The following CNTNAP4 variants were observed in gnomAD, a reference collection of about 807,000 sequenced individuals.
CNTNAP4 encodes contactin associated protein family member 4.
CNTNAP4 carries 98 observed loss-of-function variants against 148.4 expected under a neutral mutation model. The ratio of observed to expected loss-of-function variants is 0.66; its 90% CI spans 0.56 to 0.78. The LOEUF is 0.78. Ranked by LOEUF, CNTNAP4 falls within the 30% of genes least tolerant of loss-of-function variation. The probability of loss-of-function intolerance (pLI) is 0.00; values close to 1 mark genes in which losing one functional copy is unlikely to be tolerated. For missense variants in CNTNAP4, 1,935 were observed against 1,565.6 expected, an observed-to-expected ratio of 1.24 and a Z score of -3.98; for synonymous variants, 730 against 565.1, an observed-to-expected ratio of 1.29 and a Z score of -4.14.
intron 10 of CNTNAP4, among the ~76,000 whole-genome samples, chr16:76,467,895 A>T (rs1299153771): frequency 1.3e-5 from 2 of 152,232 alleles, no homozygotes; most frequent in African/African-American, 4.8e-5. Flanking sequence ...AATAAATTTG[A>T]GACTATGTAG....
At chr16:76,299,439 A>G (rs1408580457) in intron 1 of CNTNAP4, among the ~76,000 whole-genome samples, 1 of 152,176 alleles carries the variant, frequency 6.6e-6, no homozygotes, top group African/African-American at 2.4e-5. Flanking sequence ...TCAAAACCAC[A>G]ATGAGATACC....
At chr16:76,324,929 C>T (rs920274412) in intron 2 of CNTNAP4, among the ~76,000 whole-genome samples, 7 of 152,208 alleles carry the variant, frequency 4.6e-5, no homozygotes, top group Non-Finnish European at 1.0e-4. Context: ...AGGGCTTCAG[C>T]CTGTGAATTT....
At chr16:76,422,994 GTAAT>G (rs959770376) in intron 3 of CNTNAP4, among the ~76,000 whole-genome samples, 20 of 152,088 alleles carry the variant, frequency 1.3e-4, no homozygotes, top group Non-Finnish European at 2.4e-4. Flanking sequence ...TTATGGAAAT[GTAAT>G]TAGTTTCCTT....
chr16:76,535,466 G>A, intron 17 of CNTNAP4, 79 bp from the exon 18 acceptor site: 1 of 1,494,706 alleles, frequency 6.7e-7, no homozygotes, highest in Non-Finnish European at 9.0e-7. Context: ...TTCTCTGTAA[G>A]GCCTCAGTTT....
intron 1 of CNTNAP4, among the ~76,000 whole-genome samples, chr16:76,291,908 A>C (rs951262704): frequency 2.6e-5 from 4 of 152,154 alleles, no homozygotes; most frequent in Admixed American, 6.5e-5. Context: ...TCTCATACGC[A>C]TGCTTTCCCA....
intron 3 of CNTNAP4, among the ~76,000 whole-genome samples, chr16:76,397,797 TTGTGTGTGTG>T (rs10687638): frequency 2.1e-5 from 3 of 144,126 alleles, no homozygotes; most frequent in Non-Finnish European, 4.6e-5. Context: ...GTGCATGTGT[TTGTGTGTGTG>T]TGTGTGTGTG....
chr16:76,535,360 A>T (rs529158293), intron 17 of CNTNAP4, among the ~76,000 whole-genome samples, 185 bp from the exon 18 acceptor site: 8 of 152,292 alleles, frequency 5.3e-5, no homozygotes, highest in South Asian at 4.1e-4. Flanking sequence ...TTCAACTTTT[A>T]AAAAAATTGA....
chr16:76,375,044 C>T (rs1374340777), intron 3 of CNTNAP4, among the ~76,000 whole-genome samples: 1 of 151,936 alleles, frequency 6.6e-6, no homozygotes, highest in African/African-American at 2.4e-5. Context: ...GCTGGGATTA[C>T]AGGCGTCAGC....
In CNTNAP4 at chr16:76,538,255, T is replaced by C. The variant is rs1436791927; in HGVS notation, c.3135T>C (p.Ser1045=). The C allele has an allele frequency of 6.2e-7, 1 of 1,611,198 alleles. No individual in the cohort carries two copies. The highest frequency in any genetic ancestry group is 1.1e-5 in the South Asian group (1 of 90,732). ...TGAGCAGAGAAATGATCAAATTTAG[T>C]TTCCGAACAACACGAACACCAAGCT... ...MKLSREMIKF[S]FRTTRTPSLL... is the part of the protein sequence containing the mutation. The change falls in exon 19 of 24, where the codon AGT becomes AGC. Residue 1045 remains serine (S), a synonymous_variant. Coordinates refer to ENST00000611870, the MANE Select transcript of CNTNAP4 (RefSeq NM_033401.5).
intron 21 of CNTNAP4, among the ~76,000 whole-genome samples, chr16:76,541,988 A>G (rs2084480023): frequency 6.6e-6 from 1 of 152,200 alleles, no homozygotes; most frequent in Non-Finnish European, 1.5e-5. Context: ...TGCTCTAAGA[A>G]TATGTATATA....
At chr16:76,415,067 A>G (rs1259252327) in intron 3 of CNTNAP4, among the ~76,000 whole-genome samples, 7 of 151,230 alleles carry the variant, frequency 4.6e-5, no homozygotes, top group South Asian at 2.1e-4. Flanking sequence ...AATAATTACA[A>G]TAGTCTGAAT....
At position 76,347,704 on chromosome 16, in the gene CNTNAP4, A is replaced by C. The variant is rs984550427; in HGVS notation, c.197-7614A>C. ...TCTCAGAGAAGAGCATTCCTGGCAG[A>C]AACAAGAGCTTAATACAGCTTCTGA... On this transcript the variant is annotated intron_variant, in intron 2 of 23. Coordinates refer to ENST00000611870, the MANE Select transcript of CNTNAP4 (RefSeq NM_033401.5). Among the ~76,000 whole-genome samples, 20 of 152,290 alleles carry C rather than the reference A, an allele frequency of 1.3e-4. 1 individual carries two copies. The East Asian group carries it at 3.7e-3, about 28-fold the overall frequency.
At chr16:76,386,241 A>T (rs1393420698) in intron 3 of CNTNAP4, among the ~76,000 whole-genome samples, 1 of 152,200 alleles carries the variant, frequency 6.6e-6, no homozygotes, top group Non-Finnish European at 1.5e-5. Context: ...AAAAAATACC[A>T]TATGGGTATA....
chr16:76,465,574 G>A (rs2087365171), intron 9 of CNTNAP4, among the ~76,000 whole-genome samples: 1 of 152,162 alleles, frequency 6.6e-6, no homozygotes, highest in African/African-American at 2.4e-5. Context: ...GATTAGCAGA[G>A]TTATTTATAT....
chr16:76,496,491 T>C (rs144988081), intron 14 of CNTNAP4, among the ~76,000 whole-genome samples: 1 of 152,162 alleles, frequency 6.6e-6, no homozygotes, highest in Non-Finnish European at 1.5e-5. Context: ...AGGAAAAAAA[T>C]GTTAGAAAAA....
At chr16:76,474,661 C>T (rs1256049506) in intron 10 of CNTNAP4, among the ~76,000 whole-genome samples, 5 of 152,094 alleles carry the variant, frequency 3.3e-5, no homozygotes, top group Non-Finnish European at 7.3e-5. Flanking sequence ...CTCAGTGTAT[C>T]TTTCATTCTA....
intron 2 of CNTNAP4, among the ~76,000 whole-genome samples, chr16:76,344,071 C>T (rs908981955): frequency 2.0e-5 from 3 of 152,146 alleles, no homozygotes; most frequent in African/African-American, 7.2e-5. Context: ...AATATTGTAC[C>T]TGCTAGCTTC....
intron 8 of CNTNAP4, among the ~76,000 whole-genome samples, chr16:76,455,398 C>G (rs558805125): frequency 2.3e-4 from 35 of 152,160 alleles, no homozygotes; most frequent in Non-Finnish European, 4.0e-4. Context: ...CTGCATTTTT[C>G]TATTACTAAG....
intron 15 of CNTNAP4, among the ~76,000 whole-genome samples, chr16:76,516,401 A>T (rs546746267): frequency 3.3e-5 from 5 of 152,204 alleles, no homozygotes; most frequent in Non-Finnish European, 7.3e-5. Flanking sequence ...TGCAATAAAC[A>T]TACATGTGCA....
Sources: gnomAD v4.1 joint callset for allele counts (sites outside exome capture counted in the v4.1 genomes callset) on GRCh38, gnomAD v4.1.1 for gene constraint, MANE v1.5 for transcripts, NCBI Gene and HGNC (gene_info 2026-07-23, HGNC 2026-07-21) for gene names.